The following CNTN5 variants were observed in gnomAD, a reference collection of about 807,000 sequenced individuals.
CNTN5 encodes the protein contactin 5, also known as contactin-5.
Under a neutral mutation model 129.1 loss-of-function variants are expected in CNTN5, and 77 were observed. The ratio of observed to expected loss-of-function variants is 0.60; its 90% CI spans 0.50 to 0.72. CNTN5 has a LOEUF of 0.72. Ranked by LOEUF, CNTN5 falls within the 30% of genes least tolerant of loss-of-function variation. CNTN5 has a pLI of 0.00. For synonymous variants in CNTN5, 509 were observed against 465.6 expected (o/e 1.09, Z -1.20); for missense variants, 1,478 against 1,328.8 (o/e 1.11, Z -1.75).
At chr11:99,679,060 A>C (rs995290851) in intron 3 of CNTN5, among the ~76,000 whole-genome samples, 2 of 147,162 alleles carry the variant, frequency 1.4e-5, no homozygotes, top group African/African-American at 4.9e-5. Flanking sequence ...ATATATACTT[A>C]TATATGTCTT....
At chr11:100,080,581 GTCT>G (rs1944322663) in intron 13 of CNTN5, among the ~76,000 whole-genome samples, 2 of 152,092 alleles carry the variant, frequency 1.3e-5, no homozygotes, top group Non-Finnish European at 2.9e-5. Context: ...AGAAAGCAAG[GTCT>G]TCTTATTTTA....
intron 3 of CNTN5, among the ~76,000 whole-genome samples, chr11:99,682,840 C>T (rs137871671): frequency 2.0e-5 from 3 of 151,856 alleles, no homozygotes; most frequent in Non-Finnish European, 2.9e-5. Flanking sequence ...ATGAGACAAA[C>T]GGTGTTGTTT....
chr11:100,091,424 C>CTTTTTTTTTTTTTTTTT (rs60075209), intron 13 of CNTN5, among the ~76,000 whole-genome samples: 2 of 114,442 alleles, frequency 1.7e-5, no homozygotes, highest in African/African-American at 3.6e-5. Flanking sequence ...TTTATTTATT[C>CTTTTTTTTTTTTTTTTT]TTTTTTTTTT....
At chr11:99,825,609 T>C (rs923591984) in intron 4 of CNTN5, among the ~76,000 whole-genome samples, 3 of 152,064 alleles carry the variant, frequency 2.0e-5, no homozygotes, top group Admixed American at 6.5e-5. Flanking sequence ...TCTTAGTCTT[T>C]ATCTGTCTGA....
chr11:100,318,242 G>GA (rs66824133), intron 21 of CNTN5, among the ~76,000 whole-genome samples: 20,944 of 76,384 alleles, frequency 0.27, 2,555 homozygotes, highest in East Asian at 0.41. Context: ...CTCTGTCTCA[G>GA]AAAAAAAAAA....
At chr11:99,407,663 A>G (rs1942140513) in intron 2 of CNTN5, among the ~76,000 whole-genome samples, 1 of 152,082 alleles carries the variant, frequency 6.6e-6, no homozygotes, top group South Asian at 2.1e-4. Flanking sequence ...TGTGGCCTAA[A>G]CTGCCTTTCA....
chr11:99,536,057 G>A (rs1238193030), intron 2 of CNTN5, among the ~76,000 whole-genome samples: 6 of 152,112 alleles, frequency 3.9e-5, no homozygotes, highest in African/African-American at 1.2e-4. Context: ...GGGTGTCTGT[G>A]CATGAGAGAT....
chr11:99,354,179 G>A (rs1938487300), intron 2 of CNTN5, among the ~76,000 whole-genome samples: 1 of 152,068 alleles, frequency 6.6e-6, no homozygotes, highest in Non-Finnish European at 1.5e-5. Context: ...TTTCAATATA[G>A]TAAATGCTCA....
At chr11:99,656,348 T>C (rs566785200) in intron 3 of CNTN5, among the ~76,000 whole-genome samples, 14 of 152,250 alleles carry the variant, frequency 9.2e-5, no homozygotes, top group South Asian at 6.2e-4. Context: ...ATATTTTTTT[T>C]CCCTCAGGAA....
At chr11:100,047,801 A>G (rs548536497) in intron 9 of CNTN5, among the ~76,000 whole-genome samples, 1 of 151,934 alleles carries the variant, frequency 6.6e-6, no homozygotes, top group East Asian at 2.0e-4. Flanking sequence ...GTGAGAGGAC[A>G]TTATCTAATC....
intron 13 of CNTN5, among the ~76,000 whole-genome samples, chr11:100,090,513 C>CCCTCCCTCCCTCCCTCCCTCCCTT (rs1944729097): frequency 2.0e-5 from 1 of 50,194 alleles, no homozygotes; most frequent in Non-Finnish European, 3.5e-5. Flanking sequence ...CTCCCTCCCT[C>CCCTCCCTCCCTCCCTCCCTCCCTT]CCTCCCTCCC....
At chr11:100,167,772 G>T (rs1947688187) in intron 13 of CNTN5, among the ~76,000 whole-genome samples, 1 of 151,872 alleles carries the variant, frequency 6.6e-6, no homozygotes, top group Non-Finnish European at 1.5e-5. Flanking sequence ...TGGCAGTAGT[G>T]GAGTGAAGGA....
At chr11:99,569,809 C>A (rs1011838133) in intron 3 of CNTN5, among the ~76,000 whole-genome samples, 1 of 151,974 alleles carries the variant, frequency 6.6e-6, no homozygotes, top group Non-Finnish European at 1.5e-5. Context: ...AAGAAACATC[C>A]GAATAGGATG....
rs1040269781 is a variant in CNTN5 at position 99,988,302 on chromosome 11, T to C, written c.878-13732T>C. 5.9e-5 allele frequency among the ~76,000 whole-genome samples: 9 copies of C among 152,352 alleles called. No homozygotes were observed. In the South Asian group the frequency reaches 1.7e-3, roughly 28 times the overall value. On this transcript the variant is annotated intron_variant, in intron 8 of 24. Coordinates refer to ENST00000524871, the MANE Select transcript of CNTN5 (RefSeq NM_014361.4). ...ATTAACAATGGTTTAAAACAACTCA[T>C]TTGTCACGTTTTTTGCCCAGAGTTA...
At chr11:100,178,038 C>T (rs1459276125) in intron 13 of CNTN5, among the ~76,000 whole-genome samples, 1 of 152,018 alleles carries the variant, frequency 6.6e-6, no homozygotes, top group Non-Finnish European at 1.5e-5. Context: ...CAGAGAGTAC[C>T]ATTATTTATG....
intron 1 of CNTN5, among the ~76,000 whole-genome samples, chr11:99,161,594 C>A (rs1181722973): frequency 6.6e-6 from 1 of 152,100 alleles, no homozygotes; most frequent in Non-Finnish European, 1.5e-5. Flanking sequence ...GACCAGCTTC[C>A]TGATGACATT....
At chr11:100,292,306 A>T (rs1951004675) in intron 18 of CNTN5, among the ~76,000 whole-genome samples, 2 of 151,972 alleles carry the variant, frequency 1.3e-5, no homozygotes, top group Non-Finnish European at 2.9e-5. Flanking sequence ...CATGGGGTGC[A>T]TTGAGTTCTT....
At chr11:99,104,833 A>G (rs1866920987) in intron 1 of CNTN5, among the ~76,000 whole-genome samples, 1 of 152,178 alleles carries the variant, frequency 6.6e-6, no homozygotes, top group Non-Finnish European at 1.5e-5. Flanking sequence ...TTGATCAGGA[A>G]CAATATTTTA....
chr11:99,931,791 A>G (rs1950198573), intron 7 of CNTN5, among the ~76,000 whole-genome samples: 2 of 152,210 alleles, frequency 1.3e-5, no homozygotes, highest in South Asian at 2.1e-4. Flanking sequence ...TGAAGGCAGG[A>G]AGAAAGAAAT....
Sources: allele counts gnomAD v4.1 joint callset (sites outside exome capture counted in the v4.1 genomes callset), GRCh38; gene constraint gnomAD v4.1.1; transcripts MANE v1.5; gene names NCBI Gene and HGNC (gene_info 2026-07-23, HGNC 2026-07-21).